The following SORCS1 variants were observed in gnomAD, a reference collection of about 807,000 sequenced individuals.
The protein encoded by SORCS1 is VPS10 domain-containing receptor SorCS1.
A neutral mutation model predicts 146.1 loss-of-function variants in SORCS1; 60 were observed. The observed-to-expected ratio is 0.41, with a 90% CI of 0.33 to 0.51. The LOEUF (loss-of-function observed/expected upper bound fraction) is 0.51, where lower values mean the gene tolerates loss of function less well. Ranked by LOEUF, SORCS1 falls within the 20% of genes least tolerant of loss-of-function variation. The pLI is 0.21. For synonymous variants in SORCS1, 637 were observed against 584.0 expected (o/e 1.09, Z -1.31); for missense variants, 1,352 against 1,487.6 (o/e 0.91, Z 1.50).
At chr10:107,174,455 G>A in the SORCS1 span, among the ~76,000 whole-genome samples, 4 of 152,044 alleles carry the variant, frequency 2.6e-5, no homozygotes, top group Admixed American at 2.0e-4. Context: ...TGATCCACCC[G>A]TCTCGGCCTC....
chr10:106,911,525 GA>G (rs1277487512), intron 2 of SORCS1, among the ~76,000 whole-genome samples: 1 of 151,950 alleles, frequency 6.6e-6, no homozygotes, highest in Non-Finnish European at 1.5e-5. Context: ...CAGTACCAGA[GA>G]ACCAGGATCA....
chr10:106,820,966 C>A (rs925161790), intron 3 of SORCS1, among the ~76,000 whole-genome samples: 5 of 152,084 alleles, frequency 3.3e-5, no homozygotes, highest in Non-Finnish European at 5.9e-5. Context: ...GCCAGCCAGA[C>A]CTCAGAGAAC....
chr10:106,726,185 CTTT>C (rs1169402270), intron 6 of SORCS1, among the ~76,000 whole-genome samples: 8 of 66,296 alleles, frequency 1.2e-4, no homozygotes, highest in Admixed American at 6.4e-4. Context: ...CTTTCCCTCT[CTTT>C]TTTTTTTTTT....
At chr10:106,760,882 G>A (rs1346948919) in intron 5 of SORCS1, among the ~76,000 whole-genome samples, 1 of 152,110 alleles carries the variant, frequency 6.6e-6, no homozygotes, top group African/African-American at 2.4e-5. Context: ...TGAGGTGGGT[G>A]GACCACTTGA....
intron 1 of SORCS1, among the ~76,000 whole-genome samples, chr10:106,958,956 C>T (rs947753024): frequency 6.6e-6 from 1 of 152,054 alleles, no homozygotes; most frequent in African/African-American, 2.4e-5. Flanking sequence ...GGGGTGTGGG[C>T]ATAAAGCATT....
At chr10:107,112,589 G>A (rs1423381664) in intron 1 of SORCS1, among the ~76,000 whole-genome samples, 1 of 152,012 alleles carries the variant, frequency 6.6e-6, no homozygotes, top group Admixed American at 6.6e-5. Flanking sequence ...AAGATACAGA[G>A]TGTCTGAATG....
intron 2 of SORCS1, among the ~76,000 whole-genome samples, chr10:106,895,310 G>T (rs886308155): frequency 3.9e-5 from 6 of 152,126 alleles, no homozygotes; most frequent in Admixed American, 3.9e-4. Flanking sequence ...TGTTTAAAAG[G>T]TAAAAATAAA....
intron 1 of SORCS1, among the ~76,000 whole-genome samples, chr10:107,084,164 C>T (rs569244890): frequency 4.2e-4 from 58 of 138,016 alleles, no homozygotes; most frequent in Middle Eastern, 3.9e-3. Context: ...GGTGAGATCT[C>T]GGCTCACTGC....
At chr10:106,862,016 A>G (rs762380416) in intron 2 of SORCS1, among the ~76,000 whole-genome samples, 7 of 152,150 alleles carry the variant, frequency 4.6e-5, no homozygotes, top group Non-Finnish European at 1.0e-4. Flanking sequence ...AGCTTTTGTT[A>G]CCTTTAGTTT....
intron 5 of SORCS1, among the ~76,000 whole-genome samples, chr10:106,748,024 T>C (rs1857870822): frequency 6.6e-6 from 1 of 152,194 alleles, no homozygotes. Context: ...CTTCCATCCA[T>C]TCCAAAATGC....
chr10:107,050,460 G>C (rs1413503065), intron 1 of SORCS1, among the ~76,000 whole-genome samples: 2 of 152,116 alleles, frequency 1.3e-5, no homozygotes, highest in Non-Finnish European at 2.9e-5. Context: ...GATTCTGAAG[G>C]ATGTATTTTG....
At chr10:106,849,941 G>C (rs1025307634) in intron 2 of SORCS1, among the ~76,000 whole-genome samples, 1 of 152,148 alleles carries the variant, frequency 6.6e-6, no homozygotes, top group African/African-American at 2.4e-5. Flanking sequence ...CAGTCTGCCC[G>C]TTCTCAGATC....
chr10:106,961,213 C>T (rs1216902686), intron 1 of SORCS1, among the ~76,000 whole-genome samples: 1 of 152,180 alleles, frequency 6.6e-6, no homozygotes, highest in Non-Finnish European at 1.5e-5. Context: ...TACAGGTATG[C>T]GTTGAAATGA....
chr10:106,740,117 T>C (rs1378320841), intron 5 of SORCS1, among the ~76,000 whole-genome samples: 1 of 152,202 alleles, frequency 6.6e-6, no homozygotes, highest in African/African-American at 2.4e-5. Flanking sequence ...CAATACATGA[T>C]GGTTTATTAG....
At chr10:106,610,877 G>A (rs1256925714) in intron 22 of SORCS1, among the ~76,000 whole-genome samples, 1 of 152,110 alleles carries the variant, frequency 6.6e-6, no homozygotes, top group Non-Finnish European at 1.5e-5. Context: ...TCAGGAGTTC[G>A]AGACCAGCCT....
intron 1 of SORCS1, among the ~76,000 whole-genome samples, chr10:107,125,253 G>A (rs754855370): frequency 2.0e-5 from 3 of 152,016 alleles, no homozygotes; most frequent in South Asian, 2.1e-4. Flanking sequence ...GCCTGGCCCC[G>A]CTCAGCTTTC....
chr10:106,772,854 G>A (rs1043757525), intron 4 of SORCS1, among the ~76,000 whole-genome samples: 1 of 152,060 alleles, frequency 6.6e-6, no homozygotes, highest in African/African-American at 2.4e-5. Flanking sequence ...GCAGGGTACC[G>A]CAGCTCATAT....
chr10:107,139,653 C>T (rs556461194), intron 1 of SORCS1, among the ~76,000 whole-genome samples: 8 of 152,344 alleles, frequency 5.3e-5, no homozygotes, highest in African/African-American at 1.9e-4. Context: ...GCAGTTTCAT[C>T]ACCAAATGGC....
At chr10:106,891,690 A>AT (rs1447856042) in intron 2 of SORCS1, among the ~76,000 whole-genome samples, 1 of 151,936 alleles carries the variant, frequency 6.6e-6, no homozygotes, top group Non-Finnish European at 1.5e-5. Context: ...ACTGAGTATA[A>AT]TGATCCTCTT....
Sources: allele counts gnomAD v4.1 joint callset (sites outside exome capture counted in the v4.1 genomes callset), GRCh38; gene constraint gnomAD v4.1.1; transcripts MANE v1.5; gene names NCBI Gene and HGNC (gene_info 2026-07-23, HGNC 2026-07-21).